The following KIAA0753 variants were observed in gnomAD, a reference collection of about 807,000 sequenced individuals.
The protein encoded by KIAA0753 is KIAA0753, also known as protein moonraker.
Under a neutral mutation model 116.9 loss-of-function variants are expected in KIAA0753, and 114 were observed. That is an observed-to-expected ratio of 0.98 (90% CI 0.84 to 1.14). KIAA0753 has a LOEUF of 1.14. Among genes scored for constraint, KIAA0753 ranks in the 50% most tolerant of loss-of-function variants. The probability of loss-of-function intolerance (pLI) is 0.00; values close to 1 mark genes in which losing one functional copy is unlikely to be tolerated. For synonymous variants in KIAA0753, 405 were observed against 413.1 expected, an observed-to-expected ratio of 0.98 and a Z score of 0.24; for missense variants, 1,156 against 1,172.4, an observed-to-expected ratio of 0.99 and a Z score of 0.20.
chr17:6,581,613 C>G (rs1162681972), intron 18 of KIAA0753, among the ~76,000 whole-genome samples: 3 of 152,208 alleles, frequency 2.0e-5, no homozygotes, highest in Non-Finnish European at 1.5e-5. Flanking sequence ...CTACTTCCAT[C>G]ACTTCTTCTC....
intron 3 of KIAA0753, among the ~76,000 whole-genome samples, chr17:6,625,398 G>A (rs975268950): frequency 6.6e-6 from 1 of 152,128 alleles, no homozygotes; most frequent in Non-Finnish European, 1.5e-5. Flanking sequence ...CAGGAGTGGT[G>A]GCTCACCCCT....
intron 1 of KIAA0753, chr17:6,636,234 T>C (rs1304671323): frequency 3.3e-5 from 5 of 152,134 alleles, no homozygotes; most frequent in Non-Finnish European, 7.3e-5. Context: ...CTAAGAGTCC[T>C]TATTTCTAAG....
At chr17:6,623,710 C>T (rs549950346) in intron 4 of KIAA0753, 139 bp from the exon 5 acceptor site, 2 of 1,253,860 alleles carry the variant, frequency 1.6e-6, no homozygotes, top group Non-Finnish European at 2.1e-6. Flanking sequence ...AAAAAAGGCT[C>T]TTCATTCATG....
rs778303959 is a variant in KIAA0753 at position 6,591,022 on chromosome 17, AGAAG to A, written c.2441-396_2441-393del. Among the ~76,000 whole-genome samples the A allele has an allele frequency of 4.5e-3, 445 of 99,908 alleles. 5 individuals are homozygous for A. Among genetic ancestry groups the A allele is most frequent in the Non-Finnish European group, 5.8e-3 (313 of 53,640 alleles). 65.5% of individuals were successfully genotyped at this position (99,908 alleles called of 152,430 possible). A position where few individuals can be genotyped will look rare whatever the true frequency, so the allele number is the denominator to read the frequency against. On this transcript the variant is annotated intron_variant, in intron 16 of 18. Transcript: ENST00000361413. Reference sequence around the variant, plus strand: ...AAGGAAGAAGAAGGAAGAAGAAGGAAGAAGGAAGAAGGAAGAAGGAAGAAGAAGA... The same window carrying A: ...AAGGAAGAAGAAGGAAGAAGAAGGAAGAAGAAGGAAGAAGGAAGAAGAAGA...
intron 2 of KIAA0753, among the ~76,000 whole-genome samples, chr17:6,630,758 A>C (rs1307469769): frequency 6.6e-6 from 1 of 152,230 alleles, no homozygotes; most frequent in African/African-American, 2.4e-5. Flanking sequence ...AAAATGAGGA[A>C]GATCTCTGTG....
In KIAA0753 at chr17:6,628,319, T is replaced by A. The variant is rs1444747916; in HGVS notation, c.516A>T (p.Lys172Asn). Residue 172 changes from lysine (K) to asparagine (N), a missense_variant, in exon 3 of 19, where the codon AAA (lysine) becomes AAT (asparagine). Coordinates refer to ENST00000361413, the MANE Select transcript of KIAA0753 (RefSeq NM_014804.3). The part of the protein sequence containing the change: ...SKVEISSSGA[K>N]VYLYSSHPGQ... ...CTGGATGAGATGAGTAAAGGTATACTTTGGCACCAGAGCTGGAGATTTCTA... is the reference window on the plus strand; with the variant it reads ...CTGGATGAGATGAGTAAAGGTATACATTGGCACCAGAGCTGGAGATTTCTA... The A allele has an allele frequency of 1.9e-6, 3 of 1,614,038 alleles. No individual in the cohort carries two copies. The Admixed American group carries it at 5.0e-5, about 27-fold the overall frequency.
chr17:6,591,079 A>AG (rs1969021993), intron 16 of KIAA0753, among the ~76,000 whole-genome samples: 1 of 148,778 alleles, frequency 6.7e-6, no homozygotes, highest in African/African-American at 2.5e-5. Context: ...AAGAAGAAGA[A>AG]GAAGAAGAAG....
intron 12 of KIAA0753, among the ~76,000 whole-genome samples, chr17:6,606,069 G>T (rs1970176223): frequency 1.3e-5 from 2 of 152,294 alleles, no homozygotes; most frequent in South Asian, 4.2e-4. Context: ...ATCACAGAGG[G>T]TGTGTGTAAA....
rs772391459 is a variant in KIAA0753 at position 6,620,879 on chromosome 17, T to A, written c.1224A>T (p.Thr408=). ...SQKALERWPS[T]SPKGERRPLT... The stretch of plus-strand genomic sequence containing the variant: ...GGGGCCTCCTCTCACCCTTTGGTGA[T>A]GTACTTGGCCATCTCTCCAAGGCCT... The change falls in exon 7 of 19, where the codon ACA becomes ACT. Residue 408 remains threonine, a synonymous_variant. Transcript: ENST00000361413. The A allele has an allele frequency of 6.2e-7, 1 of 1,614,190 alleles. No homozygotes were observed. The highest frequency in any genetic ancestry group is 8.5e-7 in the Non-Finnish European group (1 of 1,180,016).
intron 9 of KIAA0753, among the ~76,000 whole-genome samples, chr17:6,608,736 A>G (rs1201570106): frequency 6.6e-6 from 1 of 152,220 alleles, no homozygotes; most frequent in Non-Finnish European, 1.5e-5. Context: ...GGTGAGTGTC[A>G]ACAAAACTCT....
chr17:6,637,820 C>G (rs1046812994), intron 1 of KIAA0753: 1 of 152,392 alleles, frequency 6.6e-6, no homozygotes, highest in African/African-American at 2.4e-5. Flanking sequence ...CTGGGAGCCA[C>G]GGGCACCCCA....
At chr17:6,599,600 A>G (rs1969713372) in intron 13 of KIAA0753, among the ~76,000 whole-genome samples, 1 of 151,948 alleles carries the variant, frequency 6.6e-6, no homozygotes, top group Non-Finnish European at 1.5e-5. Context: ...CAGCTTCCTC[A>G]ATGATAAAAT....
intron 18 of KIAA0753, among the ~76,000 whole-genome samples, chr17:6,580,231 G>A (rs768577994): frequency 4.0e-5 from 6 of 151,796 alleles, no homozygotes; most frequent in Non-Finnish European, 8.8e-5. Flanking sequence ...ATATATGGGA[G>A]CCATTCTTTT....
chr17:6,632,556 GA>G (rs1972075239), intron 2 of KIAA0753, among the ~76,000 whole-genome samples: 1 of 152,130 alleles, frequency 6.6e-6, no homozygotes, highest in Admixed American at 6.5e-5. Context: ...AGTAGTTGGT[GA>G]AAGTTTGAGG....
rs749608425 is a variant in KIAA0753, at chr17:6,623,003, G to A, written c.983C>T (p.Pro328Leu). 23 of 1,614,062 alleles carry A rather than the reference G, an allele frequency of 1.4e-5. No homozygotes were observed. Among genetic ancestry groups the A allele is most frequent in the Admixed American group, 1.0e-4 (6 of 59,996 alleles). ...CAGTTCCTTACACCGAGCAGGAAGT[G>A]GATGCTCCCCTCGGTCAGTAAACTG... Reference protein sequence around the residue: ...VTQFTDRGEHPLPARCKELGS... With the variant: ...VTQFTDRGEHLLPARCKELGS... Residue 328 changes from proline (P) to leucine (L), a missense_variant, in exon 6 of 19, where the codon CCA (proline) becomes CTA (leucine). By Grantham distance (98) the Pro-to-Leu change is moderately conservative (BLOSUM62 -3). Coordinates refer to ENST00000361413, the MANE Select transcript of KIAA0753 (RefSeq NM_014804.3).
intron 7 of KIAA0753, among the ~76,000 whole-genome samples, chr17:6,613,617 C>T (rs539374953): frequency 1.4e-4 from 22 of 151,986 alleles, no homozygotes; most frequent in Admixed American, 1.0e-3. Context: ...AAAGGCAGCA[C>T]GATAACTCAG....
chr17:6,607,108 C>A, intron 11 of KIAA0753, 73 bp downstream of exon 11: 7 of 1,417,738 alleles, frequency 4.9e-6, no homozygotes, highest in Non-Finnish European at 7.0e-6. Context: ...TAAATAATCT[C>A]TATTTATCAT....
intron 18 of KIAA0753, among the ~76,000 whole-genome samples, chr17:6,588,030 G>A (rs946668045): frequency 9.9e-5 from 15 of 152,144 alleles, no homozygotes; most frequent in African/African-American, 3.6e-4. Flanking sequence ...AGGAAGTTAA[G>A]AGTGCTGAGA....
chr17:6,620,915 G>GATAGGAA lies in KIAA0753; in HGVS notation c.1181_1187dup (p.Gly397SerfsTer4). 6.2e-7 allele frequency: 1 copy of GATAGGAA among 1,614,146 alleles called. No individual in the cohort carries two copies. Among genetic ancestry groups the GATAGGAA allele is most frequent in the Non-Finnish European group, 8.5e-7 (1 of 1,180,004 alleles). On this transcript the variant is annotated frameshift_variant, in exon 7 of 19. Coordinates refer to ENST00000361413, the MANE Select transcript of KIAA0753 (RefSeq NM_014804.3). LOFTEE classifies it high-confidence loss of function. ...ATCTCTCCAAGGCCTTTTGGCTACC[G>GATAGGAA]ATAGGAAATCTGCTCCGAATTTCAC...
Sources: allele counts gnomAD v4.1 joint callset (sites outside exome capture counted in the v4.1 genomes callset), GRCh38; gene constraint gnomAD v4.1.1; transcripts MANE v1.5; gene names NCBI Gene and HGNC (gene_info 2026-07-23, HGNC 2026-07-21).